The following ZNF248 variants were observed in gnomAD, a reference collection of about 807,000 sequenced individuals.
ZNF248 encodes the protein KRAB protein domain.
A neutral mutation model predicts 44.3 loss-of-function variants in ZNF248; 20 were observed. That is an observed-to-expected ratio of 0.45 (90% CI 0.32 to 0.66). ZNF248 has a LOEUF of 0.66. ZNF248 is among the 30% of genes least tolerant of loss of function. The pLI, the probability that ZNF248 is intolerant of heterozygous loss-of-function variation, is 0.04. For missense variants in ZNF248, 654 were observed against 677.0 expected, an observed-to-expected ratio of 0.97 and a Z score of 0.38; for synonymous variants, 224 against 229.0, an observed-to-expected ratio of 0.98 and a Z score of 0.20.
intron 6 of ZNF248, among the ~76,000 whole-genome samples, chr10:37,807,740 TGATTTTGTA>T (rs977688690): frequency 1.3e-5 from 2 of 152,230 alleles, no homozygotes; most frequent in African/African-American, 4.8e-5. Flanking sequence ...TTTTGTGTGT[TGATTTTGTA>T]TTCTGCTCCT....
At chr10:37,784,413 A>G (rs1753171044) in intron 6 of ZNF248, among the ~76,000 whole-genome samples, 1 of 152,244 alleles carries the variant, frequency 6.6e-6, no homozygotes, top group African/African-American at 2.4e-5. Flanking sequence ...TTGTGGAGTA[A>G]GAGCCACCAA....
Position 37,832,848 on chromosome 10 carries a change from A to C in ZNF248, c.507T>G (p.Asn169Lys), listed in dbSNP as rs764780330. The C allele has an allele frequency of 8.7e-6, 14 of 1,613,740 alleles. No individual in the cohort carries two copies. The African/African-American group carries it at 1.2e-4, about 14-fold the overall frequency. ...TATCAAGGAGCAATTTCTCACATAC[A>C]TTAAACTCATCAGGCTTCTTTCTGG... ...NCSRKKPDEF[N>K]VCEKLLLDIR... Residue 169 changes from asparagine to lysine, a missense_variant, in exon 6 of 6, where the codon AAT becomes AAG. Physicochemically the swap from Asn to Lys is moderately conservative, Grantham distance 94 (BLOSUM62 0). Transcript: ENST00000395867.
At chr10:37,801,629 A>G (rs1294448648) in intron 6 of ZNF248, among the ~76,000 whole-genome samples, 1 of 152,196 alleles carries the variant, frequency 6.6e-6, no homozygotes, top group Non-Finnish European at 1.5e-5. Context: ...TTTACAAAAA[A>G]CCCATAAATA....
At chr10:37,774,473 T>G (rs972717344), downstream of ZNF248, among the ~76,000 whole-genome samples, 4 of 152,192 alleles carry the variant, frequency 2.6e-5, no homozygotes, top group Admixed American at 1.3e-4. Context: ...CTAGAGAGTA[T>G]GTAATCTGTC....
At chr10:37,847,011 G>A (rs1393537751) in intron 3 of ZNF248, among the ~76,000 whole-genome samples, 1 of 152,090 alleles carries the variant, frequency 6.6e-6, no homozygotes, top group Non-Finnish European at 1.5e-5. Context: ...ATTTTGTGTG[G>A]TAACTGTATT....
intron 3 of ZNF248, among the ~76,000 whole-genome samples, chr10:37,853,010 C>T (rs534936029): frequency 1.2e-4 from 18 of 151,494 alleles, no homozygotes; most frequent in East Asian, 9.9e-4. Context: ...TACAGATGTG[C>T]GCCACCAAAC....
intron 3 of ZNF248, among the ~76,000 whole-genome samples, chr10:37,844,515 A>G (rs1011303903): frequency 1.3e-5 from 2 of 152,266 alleles, no homozygotes; most frequent in African/African-American, 4.8e-5. Flanking sequence ...AAAGGAGTTT[A>G]GGAAAATGCA....
At chr10:37,820,312 C>G (rs2053251203) in intron 6 of ZNF248, 1 of 1,402,694 alleles carries the variant, frequency 7.1e-7, no homozygotes, top group East Asian at 2.3e-5. Flanking sequence ...TTTTGCTGAG[C>G]TGAAACAGAA....
At chr10:37,856,264 A>T (rs1159666258) in intron 3 of ZNF248, 32 bp downstream of exon 3, 1 of 1,608,604 alleles carries the variant, frequency 6.2e-7, no homozygotes, top group Non-Finnish European at 8.5e-7. Flanking sequence ...CCATTTTTAA[A>T]CAAACTGGGA....
At chr10:37,840,818 T>C (rs1478794216) in intron 3 of ZNF248, among the ~76,000 whole-genome samples, 1 of 152,058 alleles carries the variant, frequency 6.6e-6, no homozygotes, top group Non-Finnish European at 1.5e-5. Flanking sequence ...CAGTGCTCCT[T>C]TGAAAACCAG....
chr10:37,771,462 G>A, the ZNF248 span, among the ~76,000 whole-genome samples: 1 of 152,160 alleles, frequency 6.6e-6, no homozygotes, highest in African/African-American at 2.4e-5. Context: ...AAGAGTTCAT[G>A]TCCTTTGTAG....
At chr10:37,839,338 A>G (rs1373558276) in intron 3 of ZNF248, among the ~76,000 whole-genome samples, 3 of 152,182 alleles carry the variant, frequency 2.0e-5, no homozygotes, top group Non-Finnish European at 4.4e-5. Context: ...AATCATAGCC[A>G]TAAGTATGAC....
chr10:37,815,240 T>A (rs2052249730), intron 6 of ZNF248, among the ~76,000 whole-genome samples: 1 of 152,146 alleles, frequency 6.6e-6, no homozygotes, highest in Non-Finnish European at 1.5e-5. Flanking sequence ...CTAATTTTTG[T>A]ACTTTTAGTA....
intron 3 of ZNF248, among the ~76,000 whole-genome samples, chr10:37,847,742 T>C (rs2059564372): frequency 7.4e-6 from 1 of 134,604 alleles, no homozygotes; most frequent in Non-Finnish European, 1.8e-5. Flanking sequence ...AAAAAAAAAT[T>C]ATCTTGAATT....
chr10:37,821,748 C>T (rs1314299685), intron 6 of ZNF248, among the ~76,000 whole-genome samples: 1 of 152,202 alleles, frequency 6.6e-6, no homozygotes, highest in African/African-American at 2.4e-5. Context: ...ACATCCAGGA[C>T]AGGCTTGAAA....
chr10:37,793,102 G>A (rs1031368675), intron 6 of ZNF248, among the ~76,000 whole-genome samples: 1 of 152,044 alleles, frequency 6.6e-6, no homozygotes, highest in Non-Finnish European at 1.5e-5. Context: ...GGGAGGCTGC[G>A]GCAGGCGGAT....
At chr10:37,810,375 A>G (rs2051296991) in intron 6 of ZNF248, among the ~76,000 whole-genome samples, 1 of 152,154 alleles carries the variant, frequency 6.6e-6, no homozygotes, top group African/African-American at 2.4e-5. Flanking sequence ...ATAAATGTTC[A>G]TTATTGCTAT....
intron 3 of ZNF248, among the ~76,000 whole-genome samples, chr10:37,843,435 A>G (rs1208646): frequency 0.06 from 9,048 of 151,550 alleles, 351 homozygotes; most frequent in Middle Eastern, 0.095. Flanking sequence ...AAAAAAAAAA[A>G]AAAAGAAAAA....
intron 3 of ZNF248, among the ~76,000 whole-genome samples, chr10:37,844,010 A>C (rs1382607752): frequency 6.6e-6 from 1 of 152,196 alleles, no homozygotes; most frequent in Non-Finnish European, 1.5e-5. Flanking sequence ...TACTCAAAGA[A>C]ATAAGGGCTA....
Sources: allele counts gnomAD v4.1 joint callset (sites outside exome capture counted in the v4.1 genomes callset), GRCh38; gene constraint gnomAD v4.1.1; transcripts MANE v1.5; gene names NCBI Gene and HGNC (gene_info 2026-07-23, HGNC 2026-07-21).